The following CDYL2 variants were observed in gnomAD, a reference collection of about 807,000 sequenced individuals.
The protein encoded by CDYL2 is chromodomain Y like 2, also known as chromodomain Y-like protein 2.
CDYL2 carries 23 observed loss-of-function variants against 49.4 expected under a neutral mutation model. That is an observed-to-expected ratio of 0.47 (90% CI 0.34 to 0.66). CDYL2 has a LOEUF of 0.66. Among genes scored for constraint, CDYL2 ranks in the 30% least tolerant of loss-of-function variants. CDYL2 has a pLI of 0.01. For missense variants in CDYL2, 678 were observed against 656.4 expected, an observed-to-expected ratio of 1.03 and a Z score of -0.36; for synonymous variants, 360 against 268.8, an observed-to-expected ratio of 1.34 and a Z score of -3.32.
intron 1 of CDYL2, among the ~76,000 whole-genome samples, chr16:80,690,845 A>T (rs1322744814): frequency 1.3e-5 from 2 of 152,168 alleles, no homozygotes; most frequent in Non-Finnish European, 2.9e-5. Context: ...CATTGGTCCA[A>T]ATGGAAACAG....
chr16:80,797,342 G>C (rs540867621), intron 1 of CDYL2, among the ~76,000 whole-genome samples: 122 of 152,274 alleles, frequency 8.0e-4, no homozygotes, highest in African/African-American at 2.9e-3. Context: ...TGGAAGCCTG[G>C]AAATTATACC....
intron 1 of CDYL2, among the ~76,000 whole-genome samples, chr16:80,749,799 T>A (rs1323926792): frequency 6.6e-6 from 1 of 152,184 alleles, no homozygotes; most frequent in African/African-American, 2.4e-5. Context: ...ATGTTTATTG[T>A]GGCACTATTC....
At chr16:80,768,144 A>T (rs996588771) in intron 1 of CDYL2, among the ~76,000 whole-genome samples, 1 of 152,218 alleles carries the variant, frequency 6.6e-6, no homozygotes, top group Non-Finnish European at 1.5e-5. Flanking sequence ...TGATGACTTC[A>T]CAGCCCATGT....
intron 2 of CDYL2, among the ~76,000 whole-genome samples, chr16:80,651,450 G>C (rs1342560183): frequency 6.6e-6 from 1 of 152,146 alleles, no homozygotes; most frequent in Non-Finnish European, 1.5e-5. Flanking sequence ...ATAAGGGGAA[G>C]GTCAAATAGG....
At chr16:80,672,609 G>A (rs543789488) in intron 2 of CDYL2, among the ~76,000 whole-genome samples, 4 of 140,968 alleles carry the variant, frequency 2.8e-5, no homozygotes, top group Admixed American at 7.2e-5. Flanking sequence ...GGAAAGGAAA[G>A]GAAAAGAAAG....
intron 2 of CDYL2, among the ~76,000 whole-genome samples, chr16:80,660,630 A>G (rs1909003032): frequency 6.6e-6 from 1 of 152,270 alleles, no homozygotes; most frequent in South Asian, 2.1e-4. Context: ...AAATATCTCA[A>G]TAATTACATT....
At chr16:80,683,985 C>A (rs1910071777) in intron 2 of CDYL2, among the ~76,000 whole-genome samples, 1 of 152,232 alleles carries the variant, frequency 6.6e-6, no homozygotes. Flanking sequence ...ATAGGTCAAT[C>A]ATCCAACCTA....
chr16:80,662,699 G>T (rs1362495656), intron 2 of CDYL2: 3 of 455,012 alleles, frequency 6.6e-6, no homozygotes, highest in Non-Finnish European at 1.3e-5. Context: ...TATGGCTATT[G>T]AAATTTTAAT....
chr16:80,672,352 C>CACACAG (rs68130206), intron 2 of CDYL2, among the ~76,000 whole-genome samples: 25 of 117,844 alleles, frequency 2.1e-4, no homozygotes, highest in Admixed American at 3.9e-4. Flanking sequence ...CACACACACA[C>CACACAG]AGAGAGAGAG....
At chr16:80,729,650 T>C (rs1206303364) in intron 1 of CDYL2, among the ~76,000 whole-genome samples, 1 of 152,100 alleles carries the variant, frequency 6.6e-6, no homozygotes, top group African/African-American at 2.4e-5. Context: ...GAATATACAT[T>C]TTTTTCAGCA....
chr16:80,646,949 C>T (rs1908376356), intron 2 of CDYL2, among the ~76,000 whole-genome samples: 1 of 147,998 alleles, frequency 6.8e-6, no homozygotes, highest in Non-Finnish European at 1.5e-5. Flanking sequence ...AAAAAGAGCA[C>T]CAGTAGCTAT....
intron 6 of CDYL2, 28 bp downstream of exon 6, chr16:80,608,064 C>A (rs780562299): frequency 3.0e-5 from 46 of 1,541,382 alleles, no homozygotes; most frequent in Non-Finnish European, 3.6e-5. Flanking sequence ...ATCAAAAGGA[C>A]AAGCACGCAG....
At chr16:80,646,530 C>G (rs1275802743) in intron 2 of CDYL2, among the ~76,000 whole-genome samples, 2 of 152,168 alleles carry the variant, frequency 1.3e-5, no homozygotes, top group Admixed American at 6.5e-5. Flanking sequence ...GTGGCTCACA[C>G]CTGTAATCCC....
chr16:80,686,533 G>A (rs773272686), intron 1 of CDYL2, among the ~76,000 whole-genome samples: 12 of 152,282 alleles, frequency 7.9e-5, no homozygotes, highest in South Asian at 2.1e-4. Context: ...AATAAAACAG[G>A]TGAGCAAAGG....
At position 80,752,241 on chromosome 16, in the gene CDYL2, A is replaced by G. The variant is rs1377900544; in HGVS notation, c.24+51909T>C. On this transcript the variant is annotated intron_variant, in intron 1 of 6. Coordinates refer to ENST00000570137, the MANE Select transcript of CDYL2 (RefSeq NM_152342.4). ...TAGAAGACAACATCCAGACAGCAAC[A>G]AGGAGAAAACCGCAGATAAATATGA... Among the ~76,000 whole-genome samples, 2 of 152,202 alleles carry G rather than the reference A, an allele frequency of 1.3e-5. 1 individual carries two copies. The highest frequency in any genetic ancestry group is 1.3e-4 in the Admixed American group (2 of 15,286).
chr16:80,780,598 G>C (rs1374079058), intron 1 of CDYL2, among the ~76,000 whole-genome samples: 2 of 151,752 alleles, frequency 1.3e-5, no homozygotes, highest in South Asian at 2.1e-4. Context: ...GTAGAGACGA[G>C]GTTTCACCGT....
At chr16:80,618,122 T>C (rs1004486530) in intron 4 of CDYL2, among the ~76,000 whole-genome samples, 4 of 152,192 alleles carry the variant, frequency 2.6e-5, no homozygotes, top group Admixed American at 2.6e-4. Flanking sequence ...CTTTGAAGCA[T>C]CGAGAAGAAT....
At chr16:80,718,563 C>T (rs1904888906) in intron 1 of CDYL2, among the ~76,000 whole-genome samples, 1 of 152,196 alleles carries the variant, frequency 6.6e-6, no homozygotes, top group South Asian at 2.1e-4. Context: ...TGATTTACTG[C>T]TCCGTGACAA....
At chr16:80,634,929 C>G (rs1907747962) in intron 2 of CDYL2, among the ~76,000 whole-genome samples, 1 of 152,186 alleles carries the variant, frequency 6.6e-6, no homozygotes, top group African/African-American at 2.4e-5. Flanking sequence ...TCTCCAAAAG[C>G]TGTTCCAGAA....
Sources: gnomAD v4.1 joint callset for allele counts (sites outside exome capture counted in the v4.1 genomes callset) on GRCh38, gnomAD v4.1.1 for gene constraint, MANE v1.5 for transcripts, NCBI Gene and HGNC (gene_info 2026-07-23, HGNC 2026-07-21) for gene names.